ZNF426: variants seen among roughly 807,000 people sequenced by gnomAD.
ZNF426 encodes the protein CTC-543D15.7.
ZNF426 carries 23 observed loss-of-function variants against 24.0 expected under a neutral mutation model. The observed-to-expected ratio is 0.96, with a 90% CI of 0.69 to 1.36. ZNF426 has a LOEUF of 1.36. Among genes scored for constraint, ZNF426 ranks in the 40% most tolerant of loss-of-function variants. ZNF426 has a pLI of 0.00. For synonymous variants in ZNF426, 272 were observed against 224.6 expected (o/e 1.21, Z -1.89); for missense variants, 646 against 658.4 (o/e 0.98, Z 0.21).
In ZNF426 at chr19:9,527,472, G is replaced by C. The variant is rs1232581207; in HGVS notation, c.*908C>G. On this transcript the variant is annotated 3_prime_UTR_variant, in exon 8 of 8. Transcript: ENST00000253115. The stretch of plus-strand genomic sequence containing the variant: ...CACATGGTCTACGACCAGACAACTT[G>C]CATGTGAATATTAAAATATAGTGAA... 2.6e-5 allele frequency: 4 copies of C among 152,134 alleles called. No individual in the cohort carries two copies. The highest frequency in any genetic ancestry group is 2.1e-4 in the South Asian group (1 of 4,826). 9.4% of individuals were successfully genotyped at this position (152,134 alleles called of 1,614,324 possible). A position where few individuals can be genotyped will look rare whatever the true frequency, so the allele number is the denominator to read the frequency against.
rs2073796801 is a variant in ZNF426, at chr19:9,526,791, A to T, written c.*1589T>A. 6.6e-6 allele frequency: 1 copy of T among 152,218 alleles called. No individual in the cohort carries two copies. 9.4% of individuals were successfully genotyped at this position (152,218 alleles called of 1,614,324 possible). Reference sequence around the variant, plus strand: ...CTATACCTAGGCATATCATTTAAAAATAACAGAATATCAAAGATAACAAAA... The same window carrying T: ...CTATACCTAGGCATATCATTTAAAATTAACAGAATATCAAAGATAACAAAA... On this transcript the variant is annotated 3_prime_UTR_variant, in exon 8 of 8. Transcript: ENST00000253115.
Position 9,536,374 on chromosome 19 carries a change from T to C in ZNF426, c.-124-18A>G. 1 of 1,563,918 alleles carries C rather than the reference T, an allele frequency of 6.4e-7. No individual in the cohort carries two copies. The highest frequency in any genetic ancestry group is 8.7e-7 in the Non-Finnish European group (1 of 1,153,950). ...TGGGATTCCTGTTGGTATTAATCAA[T>C]AATCAACAAGCAGTACTTAATCATC... On this transcript the variant is annotated intron_variant, in intron 2 of 7. Transcript: ENST00000253115.
chr19:9,536,152 A>G, intron 3 of ZNF426, 56 bp downstream of exon 3: 2 of 1,608,246 alleles, frequency 1.2e-6, no homozygotes, highest in East Asian at 2.2e-5. Flanking sequence ...ACTAGACCCT[A>G]TATTGTGTAA....
intron 5 of ZNF426, among the ~76,000 whole-genome samples, chr19:9,533,167 C>T (rs751719838): frequency 4.6e-5 from 7 of 152,044 alleles, no homozygotes; most frequent in East Asian, 1.9e-4. Context: ...AAATAATGGC[C>T]GAGTGTGGTG....
At position 9,528,673 on chromosome 19, in the gene ZNF426, T is replaced by C; in HGVS notation, c.1372A>G (p.Asn458Asp). 4 of 1,614,198 alleles carry C rather than the reference T, an allele frequency of 2.5e-6. No homozygotes were observed. Among genetic ancestry groups the C allele is most frequent in the Non-Finnish European group, 3.4e-6 (4 of 1,180,034 alleles). Residue 458 changes from asparagine to aspartate, a missense_variant, in exon 8 of 8, where the codon AAC becomes GAC. Transcript: ENST00000253115. ...YTCKECGKAFNYSTHLKIHMR... is the reference protein window; with the variant it reads ...YTCKECGKAFDYSTHLKIHMR... ...TGAATTTTAAGGTGGGTGGAATAGT[T>C]AAAAGCCTTCCCACATTCCTTACAG...
At chr19:9,537,417 T>C (rs541465444) in intron 2 of ZNF426, among the ~76,000 whole-genome samples, 1 of 151,196 alleles carries the variant, frequency 6.6e-6, no homozygotes, top group South Asian at 2.1e-4. Flanking sequence ...CCACAAATAT[T>C]CAGTTTGGTG....
Position 9,528,614 on chromosome 19 carries a change from C to G in ZNF426, c.1431G>C (p.Glu477Asp), listed in dbSNP as rs1337167807. The G allele has an allele frequency of 2.3e-5, 37 of 1,613,428 alleles. No homozygotes were observed. Among genetic ancestry groups the G allele is most frequent in the Non-Finnish European group, 3.1e-5 (36 of 1,179,896 alleles). Residue 477 changes from glutamate (E) to aspartate (D), a missense_variant, in exon 8 of 8, where the codon GAG (glutamate) becomes GAC (aspartate). Transcript: ENST00000253115. ...TGAAGGCCTTTCCACATTGTTTACA[C>G]TCATAGGGTTTTTCTCCAGTGTGGA... is the stretch of plus-strand genomic sequence containing the variant. Reference protein sequence around the residue: ...MRIHTGEKPYECKQCGKAFSH... With the variant: ...MRIHTGEKPYDCKQCGKAFSH...
At position 9,530,935 on chromosome 19, in the gene ZNF426, C is replaced by G. The variant is rs765052294; in HGVS notation, c.408+50G>C. On this transcript the variant is annotated intron_variant, in intron 7 of 7. Coordinates refer to ENST00000253115, the MANE Select transcript of ZNF426 (RefSeq NM_024106.3). Reference sequence around the variant, plus strand: ...TTGCTGACTTCCCATAACAGAATTCCTGATTTTCTCTGAGGGTGGAAAATA... The same window carrying G: ...TTGCTGACTTCCCATAACAGAATTCGTGATTTTCTCTGAGGGTGGAAAATA... The G allele has an allele frequency of 2.0e-6, 3 of 1,471,974 alleles. No individual in the cohort carries two copies. The South Asian group carries it at 3.4e-5, about 17-fold the overall frequency. 91.2% of individuals were successfully genotyped at this position (1,471,974 alleles called of 1,614,324 possible). A position where few individuals can be genotyped will look rare whatever the true frequency, so the allele number is the denominator to read the frequency against.
In ZNF426 at chr19:9,529,408, C is replaced by T; in HGVS notation, c.637G>A (p.Val213Ile). ...TCTTGTGTGCTAGTTCTCTGGTATA[C>T]AATATTTGGTGTCAGGCTGAAGATT... ...EKIFSLTPNIVYQRTSTQEKS... is the reference protein window; with the variant it reads ...EKIFSLTPNIIYQRTSTQEKS... The change falls in exon 8 of 8, where the codon GTA becomes ATA. Residue 213 changes from valine to isoleucine, a missense_variant. Physicochemically the swap from Val to Ile is conservative, Grantham distance 29 (BLOSUM62 3). Transcript: ENST00000253115. 2 of 1,613,754 alleles carry T rather than the reference C, an allele frequency of 1.2e-6. No homozygotes were observed. Among genetic ancestry groups the T allele is most frequent in the Non-Finnish European group, 1.7e-6 (2 of 1,179,926 alleles).
chr19:9,532,278 C>CTT lies in ZNF426; in HGVS notation c.325+565_325+566dup, dbSNP rs1020434068. ...TATTTCTGGAAATTTTTCTTTTTTT[C>CTT]TTTTTTTTTTTTTTTTTTTTGTGGG... On this transcript the variant is annotated intron_variant, in intron 6 of 7. Transcript: ENST00000253115. 8.5e-4 allele frequency among the ~76,000 whole-genome samples: 100 copies of CTT among 117,412 alleles called. 2 individuals are homozygous for CTT. Among genetic ancestry groups the CTT allele is most frequent in the African/African-American group, 1.8e-3 (52 of 29,552 alleles). The allele number at this position is 117,412 out of a possible 152,430, so 77.0% of individuals were successfully genotyped here. A position where few individuals can be genotyped will look rare whatever the true frequency, so the allele number is the denominator to read the frequency against.
At chr19:9,537,471 G>A (rs1246990897) in intron 2 of ZNF426, among the ~76,000 whole-genome samples, 2 of 79,488 alleles carry the variant, frequency 2.5e-5, no homozygotes, top group Non-Finnish European at 4.6e-5. Flanking sequence ...TTTTTTTTTT[G>A]GAGAGATGGA....
At position 9,525,197 on chromosome 19, in the gene ZNF426, C is replaced by T. The variant is rs1375577716; in HGVS notation, c.*3183G>A. On this transcript the variant is annotated 3_prime_UTR_variant, in exon 8 of 8. Transcript: ENST00000253115. ...CCGGGAGGCGGAGCTTGCAGTGAGC[C>T]GAGATCGCACCACTGCACTCCAGCC... The T allele has an allele frequency of 1.3e-5, 2 of 150,412 alleles. No individual in the cohort carries two copies. The highest frequency in any genetic ancestry group is 2.4e-5 in the African/African-American group (1 of 40,846). 9.3% of individuals were successfully genotyped at this position (150,412 alleles called of 1,614,324 possible).
chr19:9,529,038 T>C lies in ZNF426; in HGVS notation c.1007A>G (p.Tyr336Cys), dbSNP rs770590019. Residue 336 changes from tyrosine to cysteine, a missense_variant, in exon 8 of 8, where the codon TAT becomes TGT. By Grantham distance (194) the Tyr-to-Cys change is radical. Transcript: ENST00000253115. ...HGRTHTGEKP[Y>C]VCKECGKAFT... ...GGCTTTCCCACATTCCTTACATACA[T>C]AGGGTTTCTCTCCAGTGTGAGTTCT... 25 of 1,613,412 alleles carry C rather than the reference T, an allele frequency of 1.5e-5. No homozygotes were observed. In the Middle Eastern group the frequency reaches 4.9e-4, roughly 32 times the overall value.
Position 9,528,130 on chromosome 19 carries a change from A to G in ZNF426, c.*250T>C. 2.8e-6 allele frequency: 1 copy of G among 357,518 alleles called. No individual in the cohort carries two copies. Among genetic ancestry groups the G allele is most frequent in the Non-Finnish European group, 5.1e-6 (1 of 196,954 alleles). The allele number at this position is 357,518 out of a possible 1,614,324, so 22.1% of individuals were successfully genotyped here. On this transcript the variant is annotated 3_prime_UTR_variant, in exon 8 of 8. Coordinates refer to ENST00000253115, the MANE Select transcript of ZNF426 (RefSeq NM_024106.3). ...CAGCCTCCCAAGTAGCTGGGATTAC[A>G]GGTGCCCACCACACCTGGCTAAATT... is the stretch of plus-strand genomic sequence containing the variant.
At chr19:9,538,117 A>C (rs1278630164) in intron 2 of ZNF426, 142 bp downstream of exon 2, 3 of 152,224 alleles carry the variant, frequency 2.0e-5, no homozygotes, top group Admixed American at 6.5e-5. Context: ...CCTAAAAAGC[A>C]TCTTTATCTT....
chr19:9,530,015 G>A (rs1284013795), intron 7 of ZNF426, among the ~76,000 whole-genome samples: 2 of 152,106 alleles, frequency 1.3e-5, no homozygotes, highest in Non-Finnish European at 2.9e-5. Context: ...CAGCTACTTG[G>A]GAGGCTGAGA....
rs762443939 is a variant in ZNF426 at position 9,528,747 on chromosome 19, G to A, written c.1298C>T (p.Ser433Leu). Residue 433 changes from serine (S) to leucine (L), a missense_variant, in exon 8 of 8, where the codon TCA becomes TTA. Coordinates refer to ENST00000253115, the MANE Select transcript of ZNF426 (RefSeq NM_024106.3). ...KICGKVFGYPSCLNNHMRTHS... is the reference protein window; with the variant it reads ...KICGKVFGYPLCLNNHMRTHS... ...CGTTCGCATGTGATTATTAAGACAT[G>A]AGGGATACCCAAATACTTTCCCACA... 1.1e-5 allele frequency: 17 copies of A among 1,614,058 alleles called. No homozygotes were observed. Among genetic ancestry groups the A allele is most frequent in the Non-Finnish European group, 1.4e-5 (16 of 1,179,996 alleles).
At chr19:9,529,981 C>G (rs2073858432) in intron 7 of ZNF426, among the ~76,000 whole-genome samples, 1 of 152,114 alleles carries the variant, frequency 6.6e-6, no homozygotes, top group South Asian at 2.1e-4. Flanking sequence ...ATTAGCTGGG[C>G]TTGGTGGCAC....
chr19:9,533,142 T>G lies in ZNF426; in HGVS notation c.245-217A>C, dbSNP rs140739481. Among the ~76,000 whole-genome samples the G allele has an allele frequency of 3.7e-3, 561 of 152,326 alleles. 2 individuals are homozygous for G. Among genetic ancestry groups the G allele is most frequent in the African/African-American group, 0.013 (528 of 41,574 alleles). On this transcript the variant is annotated intron_variant, in intron 5 of 7. Transcript: ENST00000253115. The stretch of plus-strand genomic sequence containing the variant: ...GTACACATTTAAAAAGCACTGAGAC[T>G]TTTATTCAAACACAAAATAATGGCC...
Sources: allele counts gnomAD v4.1 joint callset (sites outside exome capture counted in the v4.1 genomes callset), GRCh38; gene constraint gnomAD v4.1.1; transcripts MANE v1.5; gene names NCBI Gene and HGNC (gene_info 2026-07-23, HGNC 2026-07-21).